The following CYP19A1 variants were observed in gnomAD, a reference collection of about 807,000 sequenced individuals.
The protein encoded by CYP19A1 is cytochrome P450 family 19 subfamily A member 1.
Under a neutral mutation model 44.4 loss-of-function variants are expected in CYP19A1, and 32 were observed. The ratio of observed to expected loss-of-function variants is 0.72; its 90% confidence interval spans 0.54 to 0.97. The LOEUF is 0.97. CYP19A1 is among the 50% of genes least tolerant of loss of function. The pLI is 0.00. For synonymous variants in CYP19A1, 212 were observed against 215.6 expected, an observed-to-expected ratio of 0.98 and a Z score of 0.14; for missense variants, 598 against 637.8, an observed-to-expected ratio of 0.94 and a Z score of 0.67.
At chr15:51,226,574 GC>G (rs779596020) in intron 4 of CYP19A1, among the ~76,000 whole-genome samples, 1 of 152,200 alleles carries the variant, frequency 6.6e-6, no homozygotes, top group Non-Finnish European at 1.5e-5. Context: ...CCCCATCTCA[GC>G]AGGCACATGG....
In CYP19A1 at chr15:51,212,119, G is replaced by A. The variant is rs2031055023; in HGVS notation, c.1263+201C>T. The A allele has an allele frequency of 4.8e-6, 3 of 618,976 alleles. No homozygotes were observed. The East Asian group carries it at 8.2e-5, about 17-fold the overall frequency. The allele number at this position is 618,976 out of a possible 1,614,324, so 38.3% of individuals were successfully genotyped here. A position where few individuals can be genotyped will look rare whatever the true frequency, so the allele number is the denominator to read the frequency against. ...ACCATGTAGATACTTCTTAGAGCTG[G>A]AGACCCAACATCCTTGAAGGCTTGA... On this transcript the variant is annotated intron_variant, in intron 9 of 9. Transcript: ENST00000396402.
At chr15:51,256,699 G>A (rs1279520603) in intron 1 of CYP19A1, among the ~76,000 whole-genome samples, 2 of 152,194 alleles carry the variant, frequency 1.3e-5, no homozygotes, top group Non-Finnish European at 2.9e-5. Context: ...GCCTCCCAAG[G>A]TTGCTGCAAG....
At chr15:51,304,949 G>A (rs1451305109) in intron 1 of CYP19A1, among the ~76,000 whole-genome samples, 2 of 137,100 alleles carry the variant, frequency 1.5e-5, no homozygotes, top group East Asian at 4.3e-4. Flanking sequence ...ACCCAGGCTG[G>A]AGTGCAGTGG....
rs1416897214 is a variant in CYP19A1, at chr15:51,226,578, G to T, written c.451+1201C>A. Among the ~76,000 whole-genome samples the T allele has an allele frequency of 3.9e-5, 6 of 152,304 alleles. No individual in the cohort carries two copies. The East Asian group carries it at 1.2e-3, about 29-fold the overall frequency. On this transcript the variant is annotated intron_variant, in intron 4 of 9. Transcript: ENST00000396402. ...GGCATAGCTCCCCCCATCTCAGCAG[G>T]CACATGGAAGGCGGCTACCTAGGTT...
chr15:51,268,064 G>T (rs1296134682), intron 1 of CYP19A1, among the ~76,000 whole-genome samples: 1 of 152,232 alleles, frequency 6.6e-6, no homozygotes, highest in African/African-American at 2.4e-5. Context: ...AGGTGGGGTT[G>T]CTTTCCTTCC....
chr15:51,324,743 A>T (rs183453104), intron 1 of CYP19A1, among the ~76,000 whole-genome samples: 1 of 152,264 alleles, frequency 6.6e-6, no homozygotes, highest in Non-Finnish European at 1.5e-5. Context: ...TTAGACAGGT[A>T]GAGTAAATGT....
chr15:51,247,684 A>T (rs2034125605), intron 1 of CYP19A1, among the ~76,000 whole-genome samples: 1 of 152,094 alleles, frequency 6.6e-6, no homozygotes, highest in South Asian at 2.1e-4. Context: ...CATGTTGGTC[A>T]GGCTAGTCTG....
At chr15:51,242,669 G>A in intron 2 of CYP19A1, 99 bp downstream of exon 2, 1 of 746,864 alleles carries the variant, frequency 1.3e-6, no homozygotes, top group Non-Finnish European at 2.4e-6. Context: ...GATCTTTCCA[G>A]GTTTGCTTTT....
chr15:51,242,557 A>C (rs2033833389), intron 2 of CYP19A1, among the ~76,000 whole-genome samples: 1 of 152,156 alleles, frequency 6.6e-6, no homozygotes, highest in Admixed American at 6.5e-5. Flanking sequence ...GGAAGGGTTT[A>C]TCTAAGATAT....
At chr15:51,333,192 T>A (rs1423710057) in intron 1 of CYP19A1, among the ~76,000 whole-genome samples, 1 of 152,218 alleles carries the variant, frequency 6.6e-6, no homozygotes, top group Non-Finnish European at 1.5e-5. Context: ...AGCATTGCTG[T>A]GCCCCCTAAG....
In CYP19A1 at chr15:51,215,213, C is replaced by G. The variant is rs767831661; in HGVS notation, c.878G>C (p.Arg293Thr). ...CAATATGCACTGGTTCACATTCTCTCTTGTCAGGTCACCACGTTTCTGAAC... is the reference window on the plus strand; with the variant it reads ...CAATATGCACTGGTTCACATTCTCTGTTGTCAGGTCACCACGTTTCTGAAC... ...ILAEKRGDLT[R>T]ENVNQCILEM... The change falls in exon 8 of 10, where the codon AGA (arginine) becomes ACA (threonine). Residue 293 changes from arginine (R) to threonine (T), a missense_variant. By Grantham distance (71) the Arg-to-Thr change is moderately conservative. Transcript: ENST00000396402. The G allele has an allele frequency of 3.1e-6, 5 of 1,614,062 alleles. No individual in the cohort carries two copies. The highest frequency in any genetic ancestry group is 1.7e-5 in the Admixed American group (1 of 60,012).
At chr15:51,211,097 T>C in intron 9 of CYP19A1, 41 bp from the exon 10 acceptor site, 2 of 1,383,970 alleles carry the variant, frequency 1.4e-6, no homozygotes, top group South Asian at 1.2e-5. Context: ...TATTAAAGGC[T>C]AGAGTCACTC....
intron 3 of CYP19A1, among the ~76,000 whole-genome samples, chr15:51,234,380 T>G (rs2033244137): frequency 6.6e-6 from 1 of 152,160 alleles, no homozygotes; most frequent in Admixed American, 6.5e-5. Flanking sequence ...CGTCTCAGCG[T>G]GCACCAGCGC....
At chr15:51,314,849 G>A (rs1166525730) in intron 1 of CYP19A1, among the ~76,000 whole-genome samples, 1 of 152,092 alleles carries the variant, frequency 6.6e-6, no homozygotes, top group Non-Finnish European at 1.5e-5. Context: ...CATAAGTGTT[G>A]GTTTCCTCCA....
At position 51,230,315 on chromosome 15, in the gene CYP19A1, G is replaced by A. The variant is rs1420687676; in HGVS notation, c.297-2382C>T. On this transcript the variant is annotated intron_variant, in intron 3 of 9. Coordinates refer to ENST00000396402, the MANE Select transcript of CYP19A1 (RefSeq NM_000103.4). Reference sequence around the variant, plus strand: ...GAGGCAAGTGTTATACTGATTATTTGGGAGAGTGAGGATTTCTTAGCACTG... The same window carrying A: ...GAGGCAAGTGTTATACTGATTATTTAGGAGAGTGAGGATTTCTTAGCACTG... Among the ~76,000 whole-genome samples, 4 of 152,314 alleles carry A rather than the reference G, an allele frequency of 2.6e-5. No individual in the cohort carries two copies. In the East Asian group the frequency reaches 7.7e-4, roughly 29 times the overall value.
chr15:51,317,917 C>G, intron 1 of CYP19A1, among the ~76,000 whole-genome samples: 1 of 152,184 alleles, frequency 6.6e-6, no homozygotes, highest in East Asian at 1.9e-4. Flanking sequence ...TTGAGAGAAT[C>G]TGGGGCAGAC....
In CYP19A1 at chr15:51,210,877, TG is replaced by T; in HGVS notation, c.1442del (p.Pro481GlnfsTer10). 6.3e-7 allele frequency: 1 copy of T among 1,591,334 alleles called. No homozygotes were observed. Among genetic ancestry groups the T allele is most frequent in the Non-Finnish European group, 8.6e-7 (1 of 1,159,178 alleles). On this transcript the variant is annotated frameshift_variant, in exon 10 of 10. Transcript: ENST00000396402. LOFTEE classifies it low-confidence loss of function (END_TRUNC). ...IQKIHDLSLH[P>X]DETKNMLEMI... ...TTTCCAGCATGTTTTTAGTCTCATCTGGGTGCAAGGACAAGTCGTGTATCTT... is the reference window on the plus strand; with the variant it reads ...TTTCCAGCATGTTTTTAGTCTCATCTGGTGCAAGGACAAGTCGTGTATCTT...
intron 6 of CYP19A1, 21 bp from the exon 7 acceptor site, chr15:51,215,838 T>C (rs2031517756): frequency 6.2e-7 from 1 of 1,612,742 alleles, no homozygotes; most frequent in Non-Finnish European, 8.5e-7. Flanking sequence ...AGTCAAAATA[T>C]TGTCTATTTT....
chr15:51,276,051 T>A (rs973432762), intron 1 of CYP19A1, among the ~76,000 whole-genome samples: 20 of 152,196 alleles, frequency 1.3e-4, no homozygotes, highest in African/African-American at 4.8e-4. Flanking sequence ...CTATCCTTTT[T>A]CCTAGGAAGC....
Sources: allele counts gnomAD v4.1 joint callset (sites outside exome capture counted in the v4.1 genomes callset), GRCh38; gene constraint gnomAD v4.1.1; transcripts MANE v1.5; gene names NCBI Gene and HGNC (gene_info 2026-07-23, HGNC 2026-07-21).